MID1: variants seen among roughly 807,000 people sequenced by gnomAD.
The protein encoded by MID1 is midline 1.
In MID1, 7 loss-of-function variants were observed where a neutral mutation model predicts 40.4. That is an observed-to-expected ratio of 0.17 (90% confidence interval 0.10 to 0.33). MID1 has a LOEUF of 0.33. Ranked by LOEUF, MID1 falls within the 10% of genes least tolerant of loss-of-function variation. The pLI is 1.00. For missense variants in MID1, 367 were observed against 558.5 expected, an observed-to-expected ratio of 0.66 and a Z score of 3.46; for synonymous variants, 229 against 221.2, an observed-to-expected ratio of 1.04 and a Z score of -0.31.
At chrX:10,646,752 A>C (rs1446138757) in intron 1 of MID1, among the ~76,000 whole-genome samples, 1 of 111,979 alleles carries the variant, frequency 8.9e-6, no homozygotes, top group Non-Finnish European at 1.9e-5. Context: ...GTAATCTTTT[A>C]TAAAATAAAT....
At chrX:10,616,793 G>A (rs1232799736) in intron 1 of MID1, among the ~76,000 whole-genome samples, 1 of 112,871 alleles carries the variant, frequency 8.9e-6, no homozygotes, top group Admixed American at 9.3e-5. Flanking sequence ...TAGCAGAGAA[G>A]AAATTAAAAT....
chrX:10,581,369 C>T (rs1403557717), intron 1 of MID1, among the ~76,000 whole-genome samples: 4 of 112,674 alleles, frequency 3.6e-5, no homozygotes, highest in Admixed American at 9.3e-5. Flanking sequence ...AAAGGCAGAT[C>T]GGAGCCAGAT....
intron 1 of MID1, among the ~76,000 whole-genome samples, chrX:10,803,520 T>C (rs974860059): frequency 1.8e-5 from 2 of 109,908 alleles, no homozygotes; most frequent in Non-Finnish European, 3.8e-5. Context: ...GCCCGGCTAA[T>C]TTTTGTATTT....
intron 2 of MID1, among the ~76,000 whole-genome samples, chrX:10,547,828 T>C (rs1360437031): frequency 1.8e-5 from 2 of 111,112 alleles, no homozygotes; most frequent in East Asian, 5.7e-4. Flanking sequence ...TTAAAGATGT[T>C]CAGAAACCTC....
chrX:10,501,389 C>T, intron 3 of MID1: 1 of 1,148,258 alleles, frequency 8.7e-7, no homozygotes. Context: ...TGACCTCACC[C>T]ATCTGCTCAG....
At chrX:10,731,118 C>T (rs925594350) in intron 1 of MID1, among the ~76,000 whole-genome samples, 1 of 111,633 alleles carries the variant, frequency 9.0e-6, no homozygotes, top group Non-Finnish European at 1.9e-5. Flanking sequence ...TTATTTGTGA[C>T]TGTCTGTTAT....
At chrX:10,628,477 A>G (rs1936018249) in intron 1 of MID1, among the ~76,000 whole-genome samples, 1 of 112,098 alleles carries the variant, frequency 8.9e-6, no homozygotes, top group South Asian at 3.7e-4. Context: ...TTTAAATAGC[A>G]TCATACAATG....
At chrX:10,744,641 C>A (rs1182866977) in intron 1 of MID1, among the ~76,000 whole-genome samples, 1 of 111,636 alleles carries the variant, frequency 9.0e-6, no homozygotes, top group African/African-American at 3.3e-5. Context: ...GAGTTACATA[C>A]ACTCCTTAAG....
chrX:10,590,899 T>C (rs1423666654), intron 1 of MID1, among the ~76,000 whole-genome samples: 1 of 112,349 alleles, frequency 8.9e-6, no homozygotes, highest in East Asian at 2.8e-4. Context: ...GCTTTGCATC[T>C]TATTTGTTTA....
rs138652867 is a variant in MID1, at chrX:10,578,943, A to T, written c.-56-11340T>A. On this transcript the variant is annotated intron_variant, in intron 1 of 9. Coordinates refer to ENST00000317552, the MANE Select transcript of MID1 (RefSeq NM_000381.4). ...TATATATTCATATAACTATGTCTGT[A>T]TAAAGTCCTATATATGTCCATAATG... Among the ~76,000 whole-genome samples, 373 of 112,659 alleles carry T rather than the reference A, an allele frequency of 3.3e-3. 1 individual carries two copies. The highest frequency in any genetic ancestry group is 9.1e-3 in the Middle Eastern group (2 of 219).
intron 1 of MID1, among the ~76,000 whole-genome samples, chrX:10,726,737 G>T (rs7066175): frequency 1.4e-3 from 155 of 112,514 alleles, no homozygotes; most frequent in African/African-American, 4.8e-3. Flanking sequence ...TCCAACTTGA[G>T]CGTCCTGGTC....
intron 1 of MID1, among the ~76,000 whole-genome samples, chrX:10,650,183 AGCTTGATTTTAACCTT>A (rs889070927): frequency 9.0e-6 from 1 of 111,590 alleles, no homozygotes; most frequent in Non-Finnish European, 1.9e-5. Flanking sequence ...ACTTATCTCT[AGCTTGATTTTAACCTT>A]GGAGCACAAG....
At chrX:10,640,497 G>A (rs1371068665) in intron 1 of MID1, among the ~76,000 whole-genome samples, 49 of 111,408 alleles carry the variant, frequency 4.4e-4, no homozygotes, top group Non-Finnish European at 3.0e-4. Context: ...CAATACAGGA[G>A]CACCCAGATT....
At chrX:10,637,110 A>G (rs1780285818) in intron 1 of MID1, among the ~76,000 whole-genome samples, 1 of 108,604 alleles carries the variant, frequency 9.2e-6, no homozygotes. Context: ...ACTTGTATCA[A>G]ATATCATGTC....
intron 1 of MID1, among the ~76,000 whole-genome samples, chrX:10,725,507 TA>T (rs907835009): frequency 1.8e-5 from 2 of 111,717 alleles, no homozygotes; most frequent in African/African-American, 3.3e-5. Flanking sequence ...ATTAGTAAAT[TA>T]AAAAAAATCT....
At chrX:10,663,905 T>G (rs5978412) in intron 1 of MID1, among the ~76,000 whole-genome samples, 2,660 of 111,294 alleles carry the variant, frequency 0.024, 34 homozygotes, top group African/African-American at 0.046. Flanking sequence ...ATGGTCCTGT[T>G]GATGCTAACA....
intron 4 of MID1, among the ~76,000 whole-genome samples, chrX:10,483,693 A>G (rs1930464204): frequency 8.9e-6 from 1 of 112,195 alleles, no homozygotes; most frequent in Non-Finnish European, 1.9e-5. Context: ...AGGCTGGCCC[A>G]AGGCTCTCTC....
intron 8 of MID1, among the ~76,000 whole-genome samples, chrX:10,457,734 C>T (rs1001657320): frequency 3.6e-5 from 4 of 112,362 alleles, no homozygotes; most frequent in Non-Finnish European, 5.6e-5. Flanking sequence ...GAGGCTTTCG[C>T]GATCTGTTCT....
chrX:10,522,321 C>T (rs1279457188), intron 3 of MID1, among the ~76,000 whole-genome samples: 1 of 112,129 alleles, frequency 8.9e-6, no homozygotes, highest in Non-Finnish European at 1.9e-5. Context: ...TTGCCTGCAA[C>T]TACCAGAAAA....
Sources: allele counts gnomAD v4.1 joint callset (sites outside exome capture counted in the v4.1 genomes callset), GRCh38; gene constraint gnomAD v4.1.1; transcripts MANE v1.5; gene names NCBI Gene and HGNC (gene_info 2026-07-23, HGNC 2026-07-21).